Variants in HEATR4 observed in about 807,000 individuals in gnomAD.
HEATR4 encodes the protein HEAT repeat containing 4, also known as HEAT repeat-containing protein 4.
A neutral mutation model predicts 108.8 loss-of-function variants in HEATR4; 95 were observed. That is an observed-to-expected ratio of 0.87 (90% CI 0.74 to 1.04). HEATR4 has a LOEUF of 1.04. Among genes scored for constraint, HEATR4 ranks in the 50% least tolerant of loss-of-function variants. HEATR4 has a pLI of 0.00. For missense variants in HEATR4, 1,152 were observed against 1,253.8 expected, an observed-to-expected ratio of 0.92 and a Z score of 1.23; for synonymous variants, 443 against 459.4, an observed-to-expected ratio of 0.96 and a Z score of 0.46.
chr14:73,563,031 A>G (rs1469110506), upstream of HEATR4, among the ~76,000 whole-genome samples: 6 of 151,912 alleles, frequency 3.9e-5, no homozygotes, highest in African/African-American at 7.3e-5. Context: ...TTTGAAGCAT[A>G]CGATCTTTGT....
chr14:73,516,413 G>T (rs924843227), intron 5 of HEATR4, among the ~76,000 whole-genome samples: 1 of 119,486 alleles, frequency 8.4e-6, no homozygotes, highest in African/African-American at 3.6e-5. Flanking sequence ...CTCCTGAAGA[G>T]ATGAGAAGTA....
intron 6 of HEATR4, among the ~76,000 whole-genome samples, 177 bp from the exon 7 acceptor site, chr14:73,512,326 T>C (rs1032821757): frequency 2.0e-5 from 3 of 152,204 alleles, no homozygotes; most frequent in African/African-American, 7.2e-5. Flanking sequence ...TGATGATCCA[T>C]GTACCCTCAC....
At position 73,553,033 on chromosome 14, in the gene HEATR4, C is replaced by T. The variant is rs1279274675; in HGVS notation, c.-152+5718G>A. ...GGCTCACGGCCTGGCCACCTTGTCT[C>T]GCTCATCTGCCATAGCCCCTGCCTG... On this transcript the variant is annotated intron_variant, in intron 1 of 17. Coordinates refer to ENST00000553558, the MANE Select transcript of HEATR4 (RefSeq NM_001220484.1). Among the ~76,000 whole-genome samples the T allele has an allele frequency of 1.3e-4, 15 of 115,174 alleles. 3 individuals are homozygous for T. The highest frequency in any genetic ancestry group is 3.7e-4 in the African/African-American group (13 of 35,616). The allele number at this position is 115,174 out of a possible 152,430, so 75.6% of individuals were successfully genotyped here. A position where few individuals can be genotyped will look rare whatever the true frequency, so the allele number is the denominator to read the frequency against.
intron 15 of HEATR4, 47 bp from the exon 16 acceptor site, chr14:73,495,434 A>G (rs763545717): frequency 6.8e-7 from 1 of 1,473,482 alleles, no homozygotes; most frequent in South Asian, 1.2e-5. Flanking sequence ...AAACACCTGT[A>G]CTAGGCAGCA....
Position 73,492,291 on chromosome 14 carries a change from G to C in HEATR4, c.2844+775C>G, listed in dbSNP as rs1885821623. The C allele has an allele frequency of 7.4e-6, 12 of 1,614,006 alleles. No homozygotes were observed. The highest frequency in any genetic ancestry group is 1.0e-5 in the Non-Finnish European group (12 of 1,179,902). On this transcript the variant is annotated intron_variant, in intron 17 of 17. Coordinates refer to ENST00000553558, the MANE Select transcript of HEATR4 (RefSeq NM_001220484.1). The surrounding 1 kb of genome is among the most constrained non-coding windows in gnomAD (Gnocchi z 4.9). Reference sequence around the variant, plus strand: ...CACCTCACCTTGTCCACGTACCAGCGCAATACCTGGGGTGACTTCTTAGAG... The same window carrying C: ...CACCTCACCTTGTCCACGTACCAGCCCAATACCTGGGGTGACTTCTTAGAG...
chr14:73,624,429 C>CA, the HEATR4 span, among the ~76,000 whole-genome samples: 1 of 151,910 alleles, frequency 6.6e-6, no homozygotes, highest in Non-Finnish European at 1.5e-5. Context: ...GCGCCCCGCC[C>CA]AAAAAAATTT....
the HEATR4 span, among the ~76,000 whole-genome samples, chr14:73,585,862 C>G: frequency 6.9e-6 from 1 of 144,016 alleles, no homozygotes; most frequent in South Asian, 2.2e-4. Context: ...GCTCTGTCCC[C>G]TAGGCTGGAG....
the HEATR4 span, among the ~76,000 whole-genome samples, chr14:73,564,728 G>GTTTTTTTT: frequency 8.1e-5 from 3 of 37,202 alleles, no homozygotes; most frequent in Non-Finnish European, 1.3e-4. Context: ...TCTGTTTTTT[G>GTTTTTTTT]TTTTTTTTTT....
chr14:73,617,237 C>T, the HEATR4 span: 2 of 1,613,346 alleles, frequency 1.2e-6, no homozygotes, highest in Non-Finnish European at 1.7e-6. Context: ...GGGGATAGAG[C>T]TGATGCAGGG....
the HEATR4 span, among the ~76,000 whole-genome samples, chr14:73,590,580 C>T: frequency 1.1e-3 from 165 of 152,292 alleles, no homozygotes; most frequent in African/African-American, 3.7e-3. Flanking sequence ...ACGGCGGGGG[C>T]GGGGGCTCAG....
rs1217883193 is a variant in HEATR4 at position 73,506,467 on chromosome 14, C to G, written c.1986G>C (p.Leu662Phe). Residue 662 changes from leucine (L) to phenylalanine (F), a missense_variant and splice_region_variant, in exon 10 of 18, where the codon TTG becomes TTC. Coordinates refer to ENST00000553558, the MANE Select transcript of HEATR4 (RefSeq NM_001220484.1). Reference sequence around the variant, plus strand: ...CCTGGAGGCAAAGAAAGAGGTTTACCAAGCAGACATTTCCACTGATCCGGG... The same window carrying G: ...CCTGGAGGCAAAGAAAGAGGTTTACGAAGCAGACATTTCCACTGATCCGGG... ...AFSRISGNVCLDMKHKLIQLM... is the reference protein window; with the variant it reads ...AFSRISGNVCFDMKHKLIQLM... 1 of 1,612,240 alleles carries G rather than the reference C, an allele frequency of 6.2e-7. No individual in the cohort carries two copies. Among genetic ancestry groups the G allele is most frequent in the South Asian group, 1.1e-5 (1 of 91,052 alleles).
the HEATR4 span, among the ~76,000 whole-genome samples, chr14:73,597,634 C>T: frequency 2.1e-3 from 287 of 137,810 alleles, 7 homozygotes; most frequent in Admixed American, 0.018. Context: ...TGCTCTGTAG[C>T]CCAGGCTGGA....
At chr14:73,522,226 G>A in intron 3 of HEATR4, 46 bp downstream of exon 3, 1 of 1,568,768 alleles carries the variant, frequency 6.4e-7, no homozygotes, top group Non-Finnish European at 8.7e-7. Flanking sequence ...CCCTAAAGGG[G>A]AGTCAGGGAT....
Position 73,522,617 on chromosome 14 carries a change from G to A in HEATR4, c.536C>T (p.Pro179Leu), listed in dbSNP as rs1566840941. 1 of 1,614,144 alleles carries A rather than the reference G, an allele frequency of 6.2e-7. No homozygotes were observed. The highest frequency in any genetic ancestry group is 8.5e-7 in the Non-Finnish European group (1 of 1,180,058). The change falls in exon 3 of 18, where the codon CCT (proline) becomes CTT (leucine). Residue 179 changes from proline (P) to leucine (L), a missense_variant. Pro to Leu is a moderately conservative substitution (Grantham distance 98, BLOSUM62 -3). Coordinates refer to ENST00000553558, the MANE Select transcript of HEATR4 (RefSeq NM_001220484.1). ...CMHPDMLGRP[P>L]SLDVNLEERE... ...TTCCTCCAGGTTCACATCTAGAGAA[G>A]GTGGCCGACCCAGCATATCTGGATG... is the stretch of plus-strand genomic sequence containing the variant.
the HEATR4 span, among the ~76,000 whole-genome samples, chr14:73,588,289 C>T: frequency 3.9e-5 from 6 of 152,220 alleles, no homozygotes; most frequent in Admixed American, 6.5e-5. Context: ...CATGAGCCAC[C>T]GAGCCCGGCC....
the HEATR4 span, chr14:73,575,588 G>A: frequency 6.4e-7 from 1 of 1,560,066 alleles, no homozygotes; most frequent in Non-Finnish European, 8.6e-7. Flanking sequence ...GTGTGTATGT[G>A]TATTCATTCT....
At chr14:73,601,423 GCAT>G in the HEATR4 span, among the ~76,000 whole-genome samples, 1 of 152,122 alleles carries the variant, frequency 6.6e-6, no homozygotes, top group Non-Finnish European at 1.5e-5. Context: ...AATTAGCTGG[GCAT>G]GGTGGCGCAC....
intron 1 of HEATR4, chr14:73,542,975 C>A (rs1476945667): frequency 1.6e-6 from 2 of 1,216,146 alleles, no homozygotes; most frequent in African/African-American, 3.3e-5. Context: ...AACTAACTTC[C>A]AGGGTGGGCA....
At chr14:73,627,780 A>AG in the HEATR4 span, among the ~76,000 whole-genome samples, 116,481 of 151,718 alleles carry the variant, frequency 0.77, 44,971 homozygotes, top group East Asian at 0.95. Context: ...CCTCCTCCCC[A>AG]GGTTTGGTAG....
Sources: allele counts gnomAD v4.1 joint callset (sites outside exome capture counted in the v4.1 genomes callset), GRCh38; gene constraint gnomAD v4.1.1; non-coding constraint Gnocchi (gnomAD v3.1); transcripts MANE v1.5; gene names NCBI Gene and HGNC (gene_info 2026-07-23, HGNC 2026-07-21).